Variants in ERC2 observed in about 807,000 individuals in gnomAD.
The protein encoded by ERC2 is ERC protein 2.
Under a neutral mutation model 114.8 loss-of-function variants are expected in ERC2, and 42 were observed. The observed-to-expected ratio is 0.37, with a 90% CI of 0.29 to 0.47. The LOEUF (loss-of-function observed/expected upper bound fraction) is 0.47, where lower values mean the gene tolerates loss of function less well. Ranked by LOEUF, ERC2 falls within the 20% of genes least tolerant of loss-of-function variation. The pLI is 0.99. For missense variants in ERC2, 939 were observed against 1,150.7 expected (o/e 0.82, Z 2.66); for synonymous variants, 454 against 425.5 (o/e 1.07, Z -0.82).
At chr3:55,970,448 A>T (rs2149484219) in intron 12 of ERC2, among the ~76,000 whole-genome samples, 1 of 152,136 alleles carries the variant, frequency 6.6e-6, no homozygotes, top group African/African-American at 2.4e-5. Context: ...CATATATTTA[A>T]TAAGGGTCTA....
At chr3:55,646,542 C>A (rs2060407694) in intron 17 of ERC2, among the ~76,000 whole-genome samples, 1 of 151,962 alleles carries the variant, frequency 6.6e-6, no homozygotes, top group African/African-American at 2.4e-5. Context: ...GTAAATATAA[C>A]CTAAAGAATA....
intron 14 of ERC2, among the ~76,000 whole-genome samples, chr3:55,845,166 C>A (rs2149224316): frequency 6.6e-6 from 1 of 152,228 alleles, no homozygotes; most frequent in African/African-American, 2.4e-5. Context: ...GGACATGGAT[C>A]AGTATTGATC....
chr3:56,343,186 T>TCACACACA (rs1222760029), intron 2 of ERC2, among the ~76,000 whole-genome samples: 1 of 15,006 alleles, frequency 6.7e-5, no homozygotes, highest in Non-Finnish European at 2.2e-4. Context: ...TCTCTCTCTC[T>TCACACACA]CTCTCTCACA....
intron 3 of ERC2, among the ~76,000 whole-genome samples, chr3:56,242,685 G>C (rs1165869869): frequency 2.0e-5 from 3 of 151,894 alleles, no homozygotes; most frequent in Admixed American, 2.0e-4. Flanking sequence ...AACTTGCATA[G>C]TTTGAAAATT....
chr3:55,861,756 G>GCCAA (rs1460026956), intron 14 of ERC2, among the ~76,000 whole-genome samples: 1 of 152,186 alleles, frequency 6.6e-6, no homozygotes, highest in Non-Finnish European at 1.5e-5. Context: ...TTGGTAGAAG[G>GCCAA]CCAAGGTTGG....
rs375821434 is a variant in ERC2 at position 55,686,466 on chromosome 3, G to A, written c.2848-2607C>T. On this transcript the variant is annotated intron_variant, in intron 16 of 17. Transcript: ENST00000288221. ...ATGATCTGGGTCAGAGTGAGTGTCC[G>A]TTTGGGGAATAAAAAACAAAAATGC... 5.9e-4 allele frequency among the ~76,000 whole-genome samples: 90 copies of A among 152,290 alleles called. 1 individual carries two copies. The highest frequency in any genetic ancestry group is 8.5e-4 in the Non-Finnish European group (58 of 68,030).
intron 2 of ERC2, among the ~76,000 whole-genome samples, chr3:56,305,144 AC>A (rs1378405494): frequency 4.6e-5 from 7 of 152,114 alleles, no homozygotes; most frequent in African/African-American, 1.7e-4. Flanking sequence ...TCAGCAGGGC[AC>A]AAAAAATGTA....
intron 17 of ERC2, among the ~76,000 whole-genome samples, chr3:55,616,978 G>A (rs1284134578): frequency 6.6e-6 from 1 of 152,154 alleles, no homozygotes; most frequent in Non-Finnish European, 1.5e-5. Flanking sequence ...CTCCAACCCT[G>A]TATCTTCATC....
At chr3:56,218,416 A>C (rs2049651220) in intron 3 of ERC2, among the ~76,000 whole-genome samples, 1 of 152,254 alleles carries the variant, frequency 6.6e-6, no homozygotes, top group Admixed American at 6.5e-5. Flanking sequence ...CCATCAGAGA[A>C]ATGCAAATCA....
intron 2 of ERC2, among the ~76,000 whole-genome samples, chr3:56,311,369 G>A (rs180932634): frequency 7.6e-4 from 104 of 136,000 alleles, no homozygotes; most frequent in African/African-American, 2.9e-3. Context: ...GCGCAATCTC[G>A]GCTCGCTGCA....
intron 14 of ERC2, among the ~76,000 whole-genome samples, chr3:55,776,612 G>A (rs1467009643): frequency 3.9e-5 from 6 of 152,174 alleles, no homozygotes; most frequent in Non-Finnish European, 8.8e-5. Context: ...ACGGAAAGGG[G>A]CTGGGAAGGG....
chr3:56,306,313 A>G (rs572783644), intron 2 of ERC2, among the ~76,000 whole-genome samples: 127 of 152,312 alleles, frequency 8.3e-4, no homozygotes, highest in East Asian at 1.2e-3. Flanking sequence ...AGACACATAC[A>G]AGAACATTCA....
At chr3:55,715,153 A>G (rs1007863625) in intron 15 of ERC2, among the ~76,000 whole-genome samples, 19 of 152,184 alleles carry the variant, frequency 1.2e-4, no homozygotes, top group African/African-American at 3.9e-4. Context: ...GCAAACTGCA[A>G]TGACAGGCAT....
intron 17 of ERC2, among the ~76,000 whole-genome samples, chr3:55,625,979 TC>T (rs2059508644): frequency 6.6e-6 from 1 of 152,138 alleles, no homozygotes; most frequent in African/African-American, 2.4e-5. Flanking sequence ...CCCTATTATC[TC>T]AGGTAGGTGT....
chr3:56,012,767 A>G (rs1288699348), intron 8 of ERC2, among the ~76,000 whole-genome samples: 1 of 152,230 alleles, frequency 6.6e-6, no homozygotes, highest in Non-Finnish European at 1.5e-5. Context: ...TCACAAAACC[A>G]ATTTAACTGT....
intron 16 of ERC2, among the ~76,000 whole-genome samples, chr3:55,685,415 A>G (rs1048869989): frequency 1.3e-5 from 2 of 152,186 alleles, no homozygotes; most frequent in Non-Finnish European, 2.9e-5. Flanking sequence ...TTATTATTAA[A>G]CAGTCTAATA....
At chr3:56,249,416 C>G (rs1196423861) in intron 3 of ERC2, among the ~76,000 whole-genome samples, 1 of 151,998 alleles carries the variant, frequency 6.6e-6, no homozygotes, top group East Asian at 1.9e-4. Context: ...AGCTCCGCCT[C>G]CCGGGTTCAC....
intron 2 of ERC2, among the ~76,000 whole-genome samples, chr3:56,410,096 A>G (rs1353058408): frequency 6.6e-6 from 1 of 152,224 alleles, no homozygotes. Context: ...TTATAACCTG[A>G]AACAGAGTTA....
chr3:55,630,209 G>A (rs775993588), intron 17 of ERC2, among the ~76,000 whole-genome samples: 13 of 152,172 alleles, frequency 8.5e-5, no homozygotes, highest in Non-Finnish European at 8.8e-5. Context: ...CGCTCTTGTC[G>A]CCCAGACTGG....
Sources: allele counts gnomAD v4.1 joint callset (sites outside exome capture counted in the v4.1 genomes callset), GRCh38; gene constraint gnomAD v4.1.1; transcripts MANE v1.5; gene names NCBI Gene and HGNC (gene_info 2026-07-23, HGNC 2026-07-21).